Variants in XYLT1 observed in about 807,000 individuals in gnomAD.
XYLT1 encodes beta-D-xylosyltransferase 1.
In XYLT1, 36 loss-of-function variants were observed where a neutral mutation model predicts 91.3. The ratio of observed to expected loss-of-function variants is 0.39; its 90% CI spans 0.30 to 0.52. XYLT1 has a LOEUF of 0.52. XYLT1 is among the 20% of genes least tolerant of loss of function. XYLT1 has a pLI of 0.68. For synonymous variants in XYLT1, 588 were observed against 532.0 expected (o/e 1.11, Z -1.45); for missense variants, 1,242 against 1,284.5 (o/e 0.97, Z 0.51).
chr16:17,255,348 T>C (rs144298723), intron 3 of XYLT1, among the ~76,000 whole-genome samples: 2,952 of 152,272 alleles, frequency 0.019, 98 homozygotes, highest in Admixed American at 0.1. Context: ...CATTTGTGTA[T>C]GTGTGGTCTC....
At chr16:17,452,662 G>T (rs936841491) in intron 1 of XYLT1, among the ~76,000 whole-genome samples, 3 of 152,068 alleles carry the variant, frequency 2.0e-5, no homozygotes, top group Middle Eastern at 3.4e-3. Context: ...GAAGAGTTTC[G>T]ATTGTTTAAA....
At chr16:17,390,130 T>A (rs2035798680) in intron 1 of XYLT1, among the ~76,000 whole-genome samples, 1 of 152,200 alleles carries the variant, frequency 6.6e-6, no homozygotes, top group African/African-American at 2.4e-5. Flanking sequence ...GTTTAAGAGA[T>A]CTGTTCTTAA....
chr16:17,189,556 T>G (rs2032263088), intron 5 of XYLT1, among the ~76,000 whole-genome samples: 1 of 152,202 alleles, frequency 6.6e-6, no homozygotes, highest in Non-Finnish European at 1.5e-5. Context: ...TTGGGAAGCT[T>G]CAGAATGCTG....
intron 2 of XYLT1, among the ~76,000 whole-genome samples, chr16:17,325,549 G>C (rs943493710): frequency 1.5e-4 from 23 of 152,152 alleles, no homozygotes; most frequent in African/African-American, 5.5e-4. Context: ...CCCATAAATA[G>C]AGGTTGAAAT....
chr16:17,138,218 T>G, intron 8 of XYLT1, 137 bp downstream of exon 8: 1 of 859,664 alleles, frequency 1.2e-6, no homozygotes, highest in Non-Finnish European at 1.6e-6. Flanking sequence ...GTTGATACTG[T>G]TAACTATTAT....
intron 2 of XYLT1, among the ~76,000 whole-genome samples, chr16:17,317,658 AGGC>A (rs1400907792): frequency 5.8e-5 from 8 of 138,854 alleles, no homozygotes; most frequent in African/African-American, 2.1e-4. Context: ...AAAAAAAAAA[AGGC>A]ATCAGGAGCT....
intron 1 of XYLT1, among the ~76,000 whole-genome samples, chr16:17,378,323 G>A (rs988807049): frequency 2.6e-5 from 4 of 152,052 alleles, no homozygotes; most frequent in Middle Eastern, 3.4e-3. Context: ...ACCAAAAAAT[G>A]CTTTAATATA....
In XYLT1 at chr16:17,259,383, T is replaced by C. The variant is rs1329773218; in HGVS notation, c.518A>G (p.Gln173Arg). Reference protein sequence around the residue: ...VDNSNFAPRTQKQKHQPELAK... With the variant: ...VDNSNFAPRTRKQKHQPELAK... ...CAACTCAGGCTGGTGCTTCTGCTTT[T>C]GAGTCCTGGGTGCGAAGTTGCTGTT... The change falls in exon 3 of 12, where the codon CAA (glutamine) becomes CGA (arginine). Residue 173 changes from glutamine to arginine, a missense_variant. Physicochemically the swap from Gln to Arg is conservative, Grantham distance 43. Transcript: ENST00000261381. 2 of 1,614,250 alleles carry C rather than the reference T, an allele frequency of 1.2e-6. No individual in the cohort carries two copies. Among genetic ancestry groups the C allele is most frequent in the Admixed American group, 3.3e-5 (2 of 60,038 alleles).
At chr16:17,460,329 T>C (rs956100681) in intron 1 of XYLT1, among the ~76,000 whole-genome samples, 2 of 152,204 alleles carry the variant, frequency 1.3e-5, no homozygotes, top group African/African-American at 2.4e-5. Flanking sequence ...GTTTATCAAA[T>C]TGCGGAATGC....
intron 3 of XYLT1, among the ~76,000 whole-genome samples, chr16:17,237,342 C>CA (rs1329148565): frequency 6.6e-6 from 1 of 151,460 alleles, no homozygotes; most frequent in Non-Finnish European, 1.5e-5. Context: ...TTTTTTTTTC[C>CA]AAATGGACTT....
At chr16:17,232,789 G>T (rs992745979) in intron 3 of XYLT1, among the ~76,000 whole-genome samples, 1 of 151,916 alleles carries the variant, frequency 6.6e-6, no homozygotes, top group Non-Finnish European at 1.5e-5. Context: ...ATGAGGTGGC[G>T]GCCTTCGTCA....
chr16:17,239,200 TCATC>T (rs879743425), intron 3 of XYLT1, among the ~76,000 whole-genome samples: 11 of 145,136 alleles, frequency 7.6e-5, no homozygotes, highest in Admixed American at 2.8e-4. Flanking sequence ...CCCCTGTAAT[TCATC>T]CATCCATCCA....
intron 2 of XYLT1, among the ~76,000 whole-genome samples, chr16:17,349,185 T>G (rs1374428441): frequency 6.6e-6 from 1 of 152,234 alleles, no homozygotes; most frequent in South Asian, 2.1e-4. Context: ...GAATCCACTC[T>G]GTATGGACAG....
At chr16:17,141,088 C>CTGCTT in intron 7 of XYLT1, 65 bp downstream of exon 7, 1 of 1,524,680 alleles carries the variant, frequency 6.6e-7, no homozygotes, top group South Asian at 1.2e-5. Flanking sequence ...AATTCAGCAT[C>CTGCTT]TGCTTTGCCA....
intron 1 of XYLT1, among the ~76,000 whole-genome samples, chr16:17,402,177 A>G (rs4780690): frequency 0.64 from 97,171 of 151,172 alleles, 32,370 homozygotes; most frequent in African/African-American, 0.74. Flanking sequence ...AAAGTTAGCC[A>G]GGCATGGTGG....
chr16:17,295,980 G>A (rs2034303376), intron 2 of XYLT1, among the ~76,000 whole-genome samples: 1 of 151,846 alleles, frequency 6.6e-6, no homozygotes, highest in Admixed American at 6.6e-5. Context: ...ATCTGGAGGT[G>A]TTTCATCTTC....
At chr16:17,167,902 C>T (rs1302703257) in intron 5 of XYLT1, among the ~76,000 whole-genome samples, 1 of 152,186 alleles carries the variant, frequency 6.6e-6, no homozygotes, top group South Asian at 2.1e-4. Flanking sequence ...ACCATCTTTC[C>T]CCACGGCTTA....
At chr16:17,115,912 A>G (rs145408858) in intron 11 of XYLT1, among the ~76,000 whole-genome samples, 2 of 150,642 alleles carry the variant, frequency 1.3e-5, no homozygotes, top group East Asian at 4.0e-4. Flanking sequence ...GGGAACAGAT[A>G]GATTGTGGTT....
At chr16:17,334,335 GTC>G (rs1460258479) in intron 2 of XYLT1, among the ~76,000 whole-genome samples, 9 of 152,136 alleles carry the variant, frequency 5.9e-5, no homozygotes, top group Non-Finnish European at 8.8e-5. Flanking sequence ...GCTTACACGG[GTC>G]TATGACGTCC....
Sources: allele counts gnomAD v4.1 joint callset (sites outside exome capture counted in the v4.1 genomes callset), GRCh38; gene constraint gnomAD v4.1.1; transcripts MANE v1.5; gene names NCBI Gene and HGNC (gene_info 2026-07-23, HGNC 2026-07-21).